TREH: variants seen among roughly 807,000 people sequenced by gnomAD.
The protein encoded by TREH is trehalase, also known as alpha,alpha-trehalose glucohydrolase.
Under a neutral mutation model 80.5 loss-of-function variants are expected in TREH, and 69 were observed. The observed-to-expected ratio is 0.86, with a 90% CI of 0.71 to 1.05. The LOEUF (loss-of-function observed/expected upper bound fraction) is 1.05, where lower values mean the gene tolerates loss of function less well. Ranked by LOEUF, TREH falls within the 50% of genes least tolerant of loss-of-function variation. The pLI, the probability that TREH is intolerant of heterozygous loss-of-function variation, is 0.00. For synonymous variants in TREH, 309 were observed against 293.5 expected (o/e 1.05, Z -0.54); for missense variants, 716 against 718.8 (o/e 1.00, Z 0.04).
At chr11:118,665,976 G>A (rs143985749) in intron 1 of TREH, among the ~76,000 whole-genome samples, 4 of 152,316 alleles carry the variant, frequency 2.6e-5, no homozygotes, top group African/African-American at 4.8e-5. Context: ...GGTGGCTCAC[G>A]CCTGTAATCC....
chr11:118,675,368 A>G (rs1178040283), intron 1 of TREH, among the ~76,000 whole-genome samples: 1 of 152,158 alleles, frequency 6.6e-6, no homozygotes, highest in Non-Finnish European at 1.5e-5. Context: ...CCTGAGTGAG[A>G]CGGCCTCACT....
At position 118,658,106 on chromosome 11, in the gene TREH, CT is replaced by C; in HGVS notation, c.*182del. The C allele has an allele frequency of 1.2e-6, 1 of 815,622 alleles. No individual in the cohort carries two copies. The highest frequency in any genetic ancestry group is 1.9e-6 in the Non-Finnish European group (1 of 530,792). The allele number at this position is 815,622 out of a possible 1,614,324, so 50.5% of individuals were successfully genotyped here. On this transcript the variant is annotated 3_prime_UTR_variant, in exon 15 of 15. Coordinates refer to ENST00000264029, the MANE Select transcript of TREH (RefSeq NM_007180.3). ...TTCCCTCCAGAGCAGGATTTCCACC[CT>C]ATTCAAGGTTCCAGGAGGGAGCTAG...
chr11:118,663,491 G>T, intron 1 of TREH, 52 bp from the exon 2 acceptor site: 1 of 1,421,652 alleles, frequency 7.0e-7, no homozygotes, highest in South Asian at 1.2e-5. Flanking sequence ...ACCCCATTAG[G>T]ACAGAAGAGA....
Position 118,659,492 on chromosome 11 carries a change from C to T in TREH, c.1321-11G>A, listed in dbSNP as rs782324008. The stretch of plus-strand genomic sequence containing the variant: ...CAGGATCCGGTTGTCCTAGAAGGTC[C>T]CAGACATTCCCATGACTGTGGGTGG... On this transcript the variant is annotated splice_polypyrimidine_tract_variant and intron_variant, in intron 11 of 14. Coordinates refer to ENST00000264029, the MANE Select transcript of TREH (RefSeq NM_007180.3). 6 of 1,557,806 alleles carry T rather than the reference C, an allele frequency of 3.9e-6. No individual in the cohort carries two copies. Among genetic ancestry groups the T allele is most frequent in the Non-Finnish European group, 5.2e-6 (6 of 1,150,240 alleles).
chr11:118,665,888 G>T (rs1354195759), intron 1 of TREH, among the ~76,000 whole-genome samples: 1 of 152,192 alleles, frequency 6.6e-6, no homozygotes, highest in Non-Finnish European at 1.5e-5. Context: ...CTGGCAATGT[G>T]GATCAGCACA....
intron 1 of TREH, among the ~76,000 whole-genome samples, chr11:118,671,514 CAAAG>C (rs1949429594): frequency 1.3e-5 from 2 of 150,670 alleles, no homozygotes; most frequent in Admixed American, 1.3e-4. Flanking sequence ...AAATAAAAAA[CAAAG>C]AAGCATGCCT....
At chr11:118,672,583 T>G (rs1210329623) in intron 1 of TREH, among the ~76,000 whole-genome samples, 4 of 151,118 alleles carry the variant, frequency 2.6e-5, no homozygotes, top group African/African-American at 9.7e-5. Flanking sequence ...TGGTGGTGCA[T>G]GCCTGTAATC....
intron 1 of TREH, among the ~76,000 whole-genome samples, chr11:118,671,602 A>G (rs1371893139): frequency 6.6e-6 from 1 of 152,204 alleles, no homozygotes. Flanking sequence ...AAGAGGAGGT[A>G]GAGAAAGAGA....
chr11:118,660,445 G>C, intron 10 of TREH, 94 bp downstream of exon 10: 1 of 1,318,474 alleles, frequency 7.6e-7, no homozygotes, highest in Non-Finnish European at 1.0e-6. Context: ...AGTTGCTGAA[G>C]GCCTGTCACA....
At chr11:118,668,410 A>G (rs1226615279) in intron 1 of TREH, among the ~76,000 whole-genome samples, 1 of 151,994 alleles carries the variant, frequency 6.6e-6, no homozygotes, top group African/African-American at 2.4e-5. Flanking sequence ...CTCTACAAAA[A>G]AAATGAAAAA....
In TREH at chr11:118,659,759, C is replaced by T. The variant is rs1555144454; in HGVS notation, c.1308G>A (p.Leu436=). Residue 436 remains leucine (L), a synonymous_variant, in exon 11 of 15, where the codon CTG becomes CTA. Transcript: ENST00000264029. Reference sequence around the variant, plus strand: ...GCTGTGCCCTCACCTCCAGGTATTTCAGAGCCTTGTCCGCCACGCCAGGGT... The same window carrying T: ...GCTGTGCCCTCACCTCCAGGTATTTTAGAGCCTTGTCCGCCACGCCAGGGT... ...FSDPGVADKA[L]KYLEDNRILT... 4.4e-6 allele frequency: 7 copies of T among 1,576,712 alleles called. No individual in the cohort carries two copies. In the South Asian group the frequency reaches 8.1e-5, roughly 18 times the overall value.
intron 1 of TREH, 71 bp from the exon 2 acceptor site, chr11:118,663,510 G>C: frequency 7.9e-7 from 1 of 1,266,074 alleles, no homozygotes; most frequent in African/African-American, 1.5e-5. Flanking sequence ...GAAGGCTAGA[G>C]TCTGTGGTAG....
rs1480596317 is a variant in TREH, at chr11:118,660,811, C to G, written c.907+55G>C. 1.9e-6 allele frequency: 3 copies of G among 1,551,340 alleles called. No homozygotes were observed. The Admixed American group carries it at 5.8e-5, about 30-fold the overall frequency. On this transcript the variant is annotated intron_variant, in intron 9 of 14. Coordinates refer to ENST00000264029, the MANE Select transcript of TREH (RefSeq NM_007180.3). ...ATTGACAGGAGACCAGAGCCTGACA[C>G]AGCAGGTGTGCAGCTGCCCTGCCCC...
chr11:118,679,608 T>C lies in TREH; in HGVS notation c.20A>G (p.Glu7Gly), dbSNP rs782475977. 11 of 1,540,386 alleles carry C rather than the reference T, an allele frequency of 7.1e-6. No individual in the cohort carries two copies. The highest frequency in any genetic ancestry group is 8.8e-6 in the Non-Finnish European group (10 of 1,139,442). Residue 7 changes from glutamate (E) to glycine (G), a missense_variant, in exon 1 of 15, where the codon GAG (glutamate) becomes GGG (glycine). Transcript: ENST00000264029. ...CCCCAGCAGCAGTAGCAGGCACAGCTCCCAGGTCCTCCCTGGCATGGTGGC... is the reference window on the plus strand; with the variant it reads ...CCCCAGCAGCAGTAGCAGGCACAGCCCCCAGGTCCTCCCTGGCATGGTGGC... MPGRTW[E>G]LCLLLLLGLG... is the part of the protein sequence containing the mutation.
rs1555144928 is a variant in TREH at position 118,661,363 on chromosome 11, G to A, written c.734+30C>T. 1.2e-6 allele frequency: 2 copies of A among 1,613,952 alleles called. No individual in the cohort carries two copies. Among genetic ancestry groups the A allele is most frequent in the Non-Finnish European group, 1.7e-6 (2 of 1,179,826 alleles). On this transcript the variant is annotated intron_variant, in intron 7 of 14. Transcript: ENST00000264029. This position sits in a 1 kb window ranked among gnomAD's most constrained non-coding sequence, Gnocchi z 4.2. ...AGAGGTCTGAGGGATGGGTGGGTCT[G>A]CAGAGCAGCACAGGGAGGGTGGTAC...
chr11:118,672,633 C>G (rs1355774590), intron 1 of TREH, among the ~76,000 whole-genome samples: 2 of 146,756 alleles, frequency 1.4e-5, no homozygotes, highest in East Asian at 4.1e-4. Flanking sequence ...ATTGCTTGAA[C>G]CCAGGAAATG....
At chr11:118,669,905 C>A (rs1949415378) in intron 1 of TREH, among the ~76,000 whole-genome samples, 1 of 151,844 alleles carries the variant, frequency 6.6e-6, no homozygotes, top group African/African-American at 2.4e-5. Flanking sequence ...GTGGTGGACA[C>A]CCCATGTACC....
intron 1 of TREH, among the ~76,000 whole-genome samples, chr11:118,667,985 C>T (rs1949393913): frequency 6.6e-6 from 1 of 152,178 alleles, no homozygotes; most frequent in Non-Finnish European, 1.5e-5. Flanking sequence ...ATGCCTCAGC[C>T]TCCCAAGTTG....
intron 1 of TREH, among the ~76,000 whole-genome samples, chr11:118,675,594 C>G (rs1312723449): frequency 6.6e-6 from 1 of 152,174 alleles, no homozygotes; most frequent in African/African-American, 2.4e-5. Context: ...GGGGCAAGGT[C>G]TAGGGGGGCC....
Sources: allele counts gnomAD v4.1 joint callset (sites outside exome capture counted in the v4.1 genomes callset), GRCh38; gene constraint gnomAD v4.1.1; non-coding constraint Gnocchi (gnomAD v3.1); transcripts MANE v1.5; gene names NCBI Gene and HGNC (gene_info 2026-07-23, HGNC 2026-07-21).